TBC1D5: variants seen among roughly 807,000 people sequenced by gnomAD.
The protein encoded by TBC1D5 is TBC1 domain family member 5.
A neutral mutation model predicts 100.3 loss-of-function variants in TBC1D5; 75 were observed. The ratio of observed to expected loss-of-function variants is 0.75; its 90% CI spans 0.62 to 0.91. The LOEUF (loss-of-function observed/expected upper bound fraction) is 0.91, where lower values mean the gene tolerates loss of function less well. TBC1D5 is among the 40% of genes least tolerant of loss of function. The pLI is 0.00. For missense variants in TBC1D5, 910 were observed against 942.4 expected, an observed-to-expected ratio of 0.97 and a Z score of 0.45; for synonymous variants, 323 against 325.6, an observed-to-expected ratio of 0.99 and a Z score of 0.09.
chr3:17,603,149 T>A (rs2061097135), intron 2 of TBC1D5, among the ~76,000 whole-genome samples: 1 of 149,756 alleles, frequency 6.7e-6, no homozygotes, highest in Non-Finnish European at 1.5e-5. Flanking sequence ...TTCTTTAAGT[T>A]TTTTGGTTTT....
intron 1 of TBC1D5, among the ~76,000 whole-genome samples, chr3:17,734,625 A>G (rs2076818262): frequency 6.6e-6 from 1 of 152,240 alleles, no homozygotes; most frequent in Non-Finnish European, 1.5e-5. Flanking sequence ...TAAAACCTGT[A>G]AGAAGGCAAG....
intron 8 of TBC1D5, among the ~76,000 whole-genome samples, chr3:17,384,935 A>C (rs1467337299): frequency 6.6e-6 from 1 of 152,120 alleles, no homozygotes; most frequent in African/African-American, 2.4e-5. Context: ...GATAAAGAAA[A>C]CAGTATTTTA....
At chr3:17,530,079 A>G (rs1366789343) in intron 2 of TBC1D5, among the ~76,000 whole-genome samples, 1 of 152,042 alleles carries the variant, frequency 6.6e-6, no homozygotes, top group African/African-American at 2.4e-5. Context: ...TCCCATCTCT[A>G]CTAAAAATAC....
intron 8 of TBC1D5, among the ~76,000 whole-genome samples, chr3:17,384,862 G>A (rs1025059086): frequency 2.0e-5 from 3 of 152,040 alleles, no homozygotes; most frequent in Non-Finnish European, 4.4e-5. Flanking sequence ...AAAGAACTTT[G>A]AATGCTGAAT....
chr3:17,472,492 T>C (rs1383615334), intron 3 of TBC1D5, among the ~76,000 whole-genome samples: 1 of 152,142 alleles, frequency 6.6e-6, no homozygotes, highest in Non-Finnish European at 1.5e-5. Flanking sequence ...GAGGCCTTTC[T>C]TTCTGTCCTA....
intron 3 of TBC1D5, among the ~76,000 whole-genome samples, chr3:17,499,733 G>T (rs2095761517): frequency 6.8e-6 from 1 of 148,000 alleles, no homozygotes; most frequent in Non-Finnish European, 1.5e-5. Context: ...GTAGTTTTTG[G>T]CCCCATTAAT....
intron 13 of TBC1D5, among the ~76,000 whole-genome samples, chr3:17,329,286 T>A (rs904379486): frequency 6.6e-6 from 1 of 152,224 alleles, no homozygotes; most frequent in African/African-American, 2.4e-5. Context: ...ATAACAAACA[T>A]GTTTACATAG....
At chr3:17,544,660 A>T (rs1159823345) in intron 2 of TBC1D5, among the ~76,000 whole-genome samples, 1 of 152,112 alleles carries the variant, frequency 6.6e-6, no homozygotes, top group African/African-American at 2.4e-5. Flanking sequence ...GAAAAAAAAA[A>T]AAAAAAAGCA....
intron 3 of TBC1D5, among the ~76,000 whole-genome samples, chr3:17,462,733 C>T (rs2095237868): frequency 1.3e-5 from 2 of 152,128 alleles, no homozygotes; most frequent in South Asian, 2.1e-4. Context: ...ATAATAAAGA[C>T]TGTATGAACT....
intron 15 of TBC1D5, among the ~76,000 whole-genome samples, chr3:17,269,841 C>T (rs2079211618): frequency 6.6e-6 from 1 of 152,122 alleles, no homozygotes; most frequent in Non-Finnish European, 1.5e-5. Context: ...CTTTTTATGG[C>T]TGTGTAGTGT....
chr3:17,208,318 T>C (rs972387517), intron 18 of TBC1D5, among the ~76,000 whole-genome samples: 24 of 152,358 alleles, frequency 1.6e-4, no homozygotes, highest in African/African-American at 5.5e-4. Flanking sequence ...GGAGGTTCTG[T>C]TCATGGTGTC....
intron 1 of TBC1D5, among the ~76,000 whole-genome samples, chr3:17,685,245 T>C (rs1200681158): frequency 6.6e-6 from 1 of 151,992 alleles, no homozygotes; most frequent in Non-Finnish European, 1.5e-5. Flanking sequence ...ACTTTTGCCT[T>C]AGAGCTGATA....
intron 8 of TBC1D5, among the ~76,000 whole-genome samples, chr3:17,395,627 G>A (rs1288746094): frequency 6.6e-6 from 1 of 151,816 alleles, no homozygotes. Context: ...TAAAAATCTG[G>A]GCTCATTTAA....
intron 18 of TBC1D5, among the ~76,000 whole-genome samples, chr3:17,185,581 G>T (rs906810060): frequency 6.6e-6 from 1 of 151,948 alleles, no homozygotes; most frequent in African/African-American, 2.4e-5. Flanking sequence ...GGATTTCAGT[G>T]AACTACACTT....
chr3:17,243,835 T>C (rs1430945935), intron 16 of TBC1D5, among the ~76,000 whole-genome samples: 1 of 152,122 alleles, frequency 6.6e-6, no homozygotes, highest in Non-Finnish European at 1.5e-5. Flanking sequence ...TAATACTAGA[T>C]GAGTCCTCAC....
chr3:17,233,274 G>T lies in TBC1D5; in HGVS notation c.1588+4889C>A, dbSNP rs562627785. Among the ~76,000 whole-genome samples the T allele has an allele frequency of 1.6e-3, 246 of 152,262 alleles. 2 individuals are homozygous for T. The highest frequency in any genetic ancestry group is 5.7e-3 in the African/African-American group (237 of 41,554). On this transcript the variant is annotated intron_variant, in intron 17 of 21. Coordinates refer to ENST00000253692, the Ensembl canonical transcript of TBC1D5. ...AGGTTGTAATTATTTCAGGCAAAAT[G>T]TAAGTATTTCTGGCTAATCGTAGCA... is the stretch of plus-strand genomic sequence containing the variant.
At chr3:17,303,142 T>A (rs2083030420) in intron 14 of TBC1D5, among the ~76,000 whole-genome samples, 1 of 152,214 alleles carries the variant, frequency 6.6e-6, no homozygotes, top group East Asian at 1.9e-4. Flanking sequence ...TCCTTTTCTC[T>A]AGGGAACAAT....
At chr3:17,408,936 A>G (rs1023287699) in intron 4 of TBC1D5, among the ~76,000 whole-genome samples, 5 of 152,162 alleles carry the variant, frequency 3.3e-5, no homozygotes, top group African/African-American at 4.8e-5. Context: ...TTTATTACCT[A>G]AAATATTCTA....
intron 17 of TBC1D5, among the ~76,000 whole-genome samples, chr3:17,223,433 T>C (rs550614187): frequency 6.6e-6 from 1 of 152,362 alleles, no homozygotes; most frequent in Admixed American, 6.5e-5. Flanking sequence ...TTATTTCATT[T>C]AATCCTAATG....
Sources: gnomAD v4.1 joint callset for allele counts (sites outside exome capture counted in the v4.1 genomes callset) on GRCh38, gnomAD v4.1.1 for gene constraint, MANE v1.5 for transcripts, NCBI Gene and HGNC (gene_info 2026-07-23, HGNC 2026-07-21) for gene names.